The following MSRA variants were observed in gnomAD, a reference collection of about 807,000 sequenced individuals.
MSRA encodes the protein methionine sulfoxide reductase A.
A neutral mutation model predicts 31.3 loss-of-function variants in MSRA; 54 were observed. The observed-to-expected ratio is 1.73, with a 90% CI of 1.39 to 2.17. MSRA has a LOEUF of 2.17. MSRA is among the 30% of genes most tolerant of loss of function. MSRA has a pLI of 0.00. For synonymous variants in MSRA, 169 were observed against 116.5 expected (o/e 1.45, Z -2.90); for missense variants, 507 against 300.9 (o/e 1.69, Z -5.07).
chr8:10,207,132 G>C (rs1809063083), intron 1 of MSRA, among the ~76,000 whole-genome samples: 1 of 152,184 alleles, frequency 6.6e-6, no homozygotes, highest in African/African-American at 2.4e-5. Context: ...TCACAGTTTG[G>C]GGGTTGTAAG....
At chr8:10,272,385 G>C (rs370876958) in intron 3 of MSRA, among the ~76,000 whole-genome samples, 1 of 152,322 alleles carries the variant, frequency 6.6e-6, no homozygotes, top group African/African-American at 2.4e-5. Flanking sequence ...TCCAGGAAGA[G>C]CTGATGTTTT....
At chr8:10,380,753 G>C (rs576188304) in intron 5 of MSRA, among the ~76,000 whole-genome samples, 1 of 152,210 alleles carries the variant, frequency 6.6e-6, no homozygotes, top group Admixed American at 6.5e-5. Flanking sequence ...GAGATGCATG[G>C]ACACATGGAT....
chr8:10,130,448 C>A (rs1208213822), intron 1 of MSRA, among the ~76,000 whole-genome samples: 1 of 152,156 alleles, frequency 6.6e-6, no homozygotes. Context: ...GATCTGAGGG[C>A]ATTGTGATCA....
At chr8:10,085,351 C>G (rs1167139984) in intron 1 of MSRA, among the ~76,000 whole-genome samples, 2 of 152,200 alleles carry the variant, frequency 1.3e-5, no homozygotes, top group African/African-American at 4.8e-5. Flanking sequence ...GGCTCCAGGC[C>G]TCTCTTCTTC....
At chr8:10,131,319 G>A (rs188953054) in intron 1 of MSRA, among the ~76,000 whole-genome samples, 88 of 152,328 alleles carry the variant, frequency 5.8e-4, no homozygotes, top group Admixed American at 9.8e-4. Context: ...ATTACTTCTA[G>A]CTGATAGGAT....
rs148419184 is a variant in MSRA, at chr8:10,090,588, T to A, written c.142+35930T>A. On this transcript the variant is annotated intron_variant, in intron 1 of 5. Coordinates refer to ENST00000317173, the MANE Select transcript of MSRA (RefSeq NM_012331.5). ...ATTTTATTATGTACAATCCAGTGGT[T>A]TTTCGTACATTCACTTTGTTGTGCA... 7.1e-3 allele frequency among the ~76,000 whole-genome samples: 1,080 copies of A among 152,288 alleles called. 14 individuals carry two copies. The highest frequency in any genetic ancestry group is 0.023 in the African/African-American group (966 of 41,548).
At chr8:10,269,083 G>A (rs1276715108) in intron 3 of MSRA, among the ~76,000 whole-genome samples, 1 of 151,648 alleles carries the variant, frequency 6.6e-6, no homozygotes, top group Non-Finnish European at 1.5e-5. Flanking sequence ...CGCCTTTATT[G>A]GCAGTTGAAA....
At chr8:10,230,697 A>G (rs1265182176) in intron 2 of MSRA, among the ~76,000 whole-genome samples, 1 of 152,258 alleles carries the variant, frequency 6.6e-6, no homozygotes, top group Non-Finnish European at 1.5e-5. Context: ...AGCAAAAAGA[A>G]GAACATAAAA....
At chr8:10,358,653 C>T (rs1447046520) in intron 5 of MSRA, among the ~76,000 whole-genome samples, 3 of 126,004 alleles carry the variant, frequency 2.4e-5, no homozygotes, top group Admixed American at 9.4e-5. Flanking sequence ...AGTGCAGTGG[C>T]GGGATCTCGG....
chr8:10,079,213 C>T (rs1377835678), intron 1 of MSRA, among the ~76,000 whole-genome samples: 1 of 152,052 alleles, frequency 6.6e-6, no homozygotes, highest in Non-Finnish European at 1.5e-5. Context: ...GGCTGGAGTG[C>T]AGTGGCAGGA....
chr8:10,094,535 C>T lies in MSRA; in HGVS notation c.142+39877C>T, dbSNP rs180972811. Among the ~76,000 whole-genome samples, 8 of 152,302 alleles carry T rather than the reference C, an allele frequency of 5.3e-5. No individual in the cohort carries two copies. The East Asian group carries it at 1.3e-3, about 26-fold the overall frequency. The stretch of plus-strand genomic sequence containing the variant: ...TTTTCATAAGTGGTAAATGAGCAAA[C>T]TGAGGAGATTAGATAGATTAGCAAT... On this transcript the variant is annotated intron_variant, in intron 1 of 5. Transcript: ENST00000317173.
At chr8:10,088,144 C>T (rs2128925981) in intron 1 of MSRA, among the ~76,000 whole-genome samples, 1 of 152,306 alleles carries the variant, frequency 6.6e-6, no homozygotes, top group South Asian at 2.1e-4. Flanking sequence ...TTCTGCCACT[C>T]TCAAGAGACT....
At chr8:10,229,518 C>G (rs929490801) in intron 2 of MSRA, among the ~76,000 whole-genome samples, 25 of 152,098 alleles carry the variant, frequency 1.6e-4, no homozygotes, top group Admixed American at 1.3e-3. Flanking sequence ...ACCAGAGGAG[C>G]AGCTCTGACC....
chr8:10,182,792 A>G (rs1435386550), intron 1 of MSRA, among the ~76,000 whole-genome samples: 1 of 152,098 alleles, frequency 6.6e-6, no homozygotes, highest in African/African-American at 2.4e-5. Context: ...CTGCTTCATC[A>G]AAGCACCAGA....
At chr8:10,177,846 C>T (rs944468713) in intron 1 of MSRA, among the ~76,000 whole-genome samples, 2 of 152,118 alleles carry the variant, frequency 1.3e-5, no homozygotes, top group Non-Finnish European at 2.9e-5. Context: ...ACATTTGTTT[C>T]AATTGAATTT....
chr8:10,303,858 C>A (rs1277392079), intron 4 of MSRA, among the ~76,000 whole-genome samples: 2 of 152,344 alleles, frequency 1.3e-5, no homozygotes, highest in Admixed American at 1.3e-4. Flanking sequence ...AAAATCCTTA[C>A]TAATCCACCC....
intron 4 of MSRA, among the ~76,000 whole-genome samples, chr8:10,305,654 C>T (rs1256606339): frequency 1.3e-5 from 2 of 152,154 alleles, no homozygotes; most frequent in East Asian, 1.9e-4. Context: ...CCTCATGATT[C>T]GCCCACCTCG....
chr8:10,260,277 A>G (rs1798405196), intron 3 of MSRA, among the ~76,000 whole-genome samples: 1 of 152,206 alleles, frequency 6.6e-6, no homozygotes, highest in South Asian at 2.1e-4. Flanking sequence ...CAAGTATGCA[A>G]GAGCTGTTTA....
chr8:10,148,960 T>C (rs1272116428), intron 1 of MSRA, among the ~76,000 whole-genome samples: 1 of 80,486 alleles, frequency 1.2e-5, no homozygotes, highest in Non-Finnish European at 2.5e-5. Flanking sequence ...CTGGTAAATT[T>C]TTTTTTTTTT....
Sources: allele counts gnomAD v4.1 joint callset (sites outside exome capture counted in the v4.1 genomes callset), GRCh38; gene constraint gnomAD v4.1.1; transcripts MANE v1.5; gene names NCBI Gene and HGNC (gene_info 2026-07-23, HGNC 2026-07-21).